The following TERF2 variants were observed in gnomAD, a reference collection of about 807,000 sequenced individuals.
The protein encoded by TERF2 is telomeric repeat-binding factor 2.
A neutral mutation model predicts 56.1 loss-of-function variants in TERF2; 16 were observed. The observed-to-expected ratio is 0.29, with a 90% CI of 0.19 to 0.43. The LOEUF (loss-of-function observed/expected upper bound fraction) is 0.43. Among genes scored for constraint, TERF2 ranks in the 20% least tolerant of loss-of-function variants. TERF2 has a pLI of 1.00. For synonymous variants in TERF2, 296 were observed against 282.1 expected, an observed-to-expected ratio of 1.05 and a Z score of -0.50; for missense variants, 547 against 712.9, an observed-to-expected ratio of 0.77 and a Z score of 2.65.
At chr16:69,381,677 C>T (rs1458157721) in intron 3 of TERF2, among the ~76,000 whole-genome samples, 1 of 151,916 alleles carries the variant, frequency 6.6e-6, no homozygotes, top group East Asian at 1.9e-4. Context: ...GACAGGGTTT[C>T]ACTATGTTAC....
At position 69,367,058 on chromosome 16, in the gene TERF2, T is replaced by C. The variant is rs1290336699; in HGVS notation, c.1089A>G (p.Pro363=). The change falls in exon 7 of 10, where the codon CCA becomes CCG. Residue 363 remains proline (P), a synonymous_variant. Coordinates refer to ENST00000254942, the MANE Select transcript of TERF2 (RefSeq NM_005652.5). ...KDLVLPTQAL[P]ASPALKNKRP... Reference sequence around the variant, plus strand: ...TCTTGTTTTTGAGGGCTGGTGATGCTGGGAGAGCTTGAGTAGGAAGAACCA... The same window carrying C: ...TCTTGTTTTTGAGGGCTGGTGATGCCGGGAGAGCTTGAGTAGGAAGAACCA... The C allele has an allele frequency of 6.2e-7, 1 of 1,614,230 alleles. No individual in the cohort carries two copies.
intron 3 of TERF2, among the ~76,000 whole-genome samples, chr16:69,374,904 GC>G (rs2013718574): frequency 6.6e-6 from 1 of 151,976 alleles, no homozygotes; most frequent in Admixed American, 6.6e-5. Context: ...GGCAGAGGTT[GC>G]AGTGAGCCGA....
intron 3 of TERF2, among the ~76,000 whole-genome samples, chr16:69,376,773 G>A (rs1281793981): frequency 2.0e-5 from 3 of 146,930 alleles, no homozygotes; most frequent in Non-Finnish European, 3.0e-5. Context: ...AGTGGGAAGA[G>A]CACCTGAGCC....
At chr16:69,366,533 G>A (rs2013350765) in intron 7 of TERF2, 2 of 428,608 alleles carry the variant, frequency 4.7e-6, no homozygotes, top group Admixed American at 3.8e-5. Context: ...TCAGATGTTT[G>A]CTAAAAATGA....
chr16:69,372,337 T>G lies in TERF2; in HGVS notation c.625A>C (p.Lys209Gln). The change falls in exon 4 of 10, where the codon AAA (lysine) becomes CAA (glutamine). Residue 209 changes from lysine to glutamine, a missense_variant. By Grantham distance (53) the Lys-to-Gln change is moderately conservative. This residue lies in a region of TERF2 where 97 missense variants were observed against 157.0 expected (regional missense o/e 0.62). Transcript: ENST00000254942. ...GAAGCCTTTTCAAATTCTTTGTTTT[T>G]GATACAAATAATGACAGCCTAAAAA... ...VKEAAVIICI[K>Q]NKEFEKASKI... is the part of the protein sequence containing the mutation. 1 of 1,610,780 alleles carries G rather than the reference T, an allele frequency of 6.2e-7. No homozygotes were observed. The highest frequency in any genetic ancestry group is 8.5e-7 in the Non-Finnish European group (1 of 1,178,410).
At chr16:69,383,713 C>G (rs1470367278) in intron 3 of TERF2, among the ~76,000 whole-genome samples, 1 of 152,178 alleles carries the variant, frequency 6.6e-6, no homozygotes, top group African/African-American at 2.4e-5. Flanking sequence ...TGTACACAGC[C>G]AAGAGACAGG....
chr16:69,357,629 C>G (rs1294302854), intron 8 of TERF2, 68 bp from the exon 9 acceptor site: 3 of 1,572,136 alleles, frequency 1.9e-6, no homozygotes, highest in Non-Finnish European at 2.6e-6. Context: ...AAGAAAAAGA[C>G]ATGGAATGTC....
intron 5 of TERF2, 111 bp from the exon 6 acceptor site, chr16:69,368,593 A>C: frequency 2.6e-6 from 4 of 1,552,078 alleles, no homozygotes; most frequent in Non-Finnish European, 3.5e-6. Context: ...TTACAAATCC[A>C]ATCTAGGCAT....
chr16:69,385,934 C>T lies in TERF2; in HGVS notation c.38G>A (p.Gly13Asp). ...CGCTGGGTCACGCACGACGCCCGGG[C>T]CGGAAGCGGGGCCCGCCGTCCCGGC... is the stretch of plus-strand genomic sequence containing the variant. ...AGAGTAGPAS[G>D]PGVVRDPAAS... Residue 13 changes from glycine (G) to aspartate (D), a missense_variant, in exon 1 of 10, where the codon GGC (glycine) becomes GAC (aspartate). Gly to Asp is a moderately conservative substitution (Grantham distance 94). Around this residue, in one of 6 missense-constraint regions of TERF2, gnomAD observed 85 missense variants for 59.5 expected, o/e 1.43. Transcript: ENST00000254942. 3.7e-6 allele frequency: 5 copies of T among 1,369,324 alleles called. No individual in the cohort carries two copies. Among genetic ancestry groups the T allele is most frequent in the South Asian group, 1.6e-5 (1 of 62,624 alleles). The allele number at this position is 1,369,324 out of a possible 1,614,324, so 84.8% of individuals were successfully genotyped here.
In TERF2 at chr16:69,384,704, G is replaced by C. The variant is rs573059226; in HGVS notation, c.482C>G (p.Ser161Cys). The change falls in exon 3 of 10, where the codon TCC (serine) becomes TGC (cysteine). Residue 161 changes from serine (S) to cysteine (C), a missense_variant. By Grantham distance (112) the Ser-to-Cys change is moderately radical. Coordinates refer to ENST00000254942, the MANE Select transcript of TERF2 (RefSeq NM_005652.5). ...TGTGAGCTCAGCCTCCATATCAAAG[G>C]AACAGTCTAGGACAAAGCACAGTTT... Reference protein sequence around the residue: ...RIEEGENLDCSFDMEAELTPL... With the variant: ...RIEEGENLDCCFDMEAELTPL... 114 of 1,613,738 alleles carry C rather than the reference G, an allele frequency of 7.1e-5. No homozygotes were observed. The highest frequency in any genetic ancestry group is 2.5e-4 in the Admixed American group (15 of 59,944).
chr16:69,384,842 A>T, intron 2 of TERF2, 132 bp from the exon 3 acceptor site: 1 of 890,282 alleles, frequency 1.1e-6, no homozygotes, highest in Non-Finnish European at 1.5e-6. Flanking sequence ...ATTTTTTGAC[A>T]TATTTGCTAC....
intron 7 of TERF2, 33 bp downstream of exon 7, chr16:69,366,774 G>GC (rs1567446729): frequency 6.4e-7 from 1 of 1,572,638 alleles, no homozygotes; most frequent in East Asian, 2.3e-5. Flanking sequence ...CCACCAACCA[G>GC]CCCCAAAATT....
intron 1 of TERF2, 44 bp from the exon 2 acceptor site, chr16:69,385,530 C>G: frequency 6.2e-7 from 1 of 1,612,216 alleles, no homozygotes; most frequent in South Asian, 1.1e-5. Flanking sequence ...CCAGTCCCGA[C>G]TCCCGGTCCC....
chr16:69,370,750 A>G, intron 4 of TERF2, 121 bp from the exon 5 acceptor site: 6 of 983,106 alleles, frequency 6.1e-6, no homozygotes, highest in Non-Finnish European at 7.4e-6. Context: ...AATCACTGGC[A>G]CACATACAGG....
intron 5 of TERF2, 86 bp downstream of exon 5, chr16:69,370,397 C>T (rs1198454575): frequency 1.0e-5 from 16 of 1,525,846 alleles, no homozygotes; most frequent in Non-Finnish European, 1.2e-5. Flanking sequence ...CTTTTTCACA[C>T]ATCAACTCTT....
At chr16:69,380,173 A>C (rs958879911) in intron 3 of TERF2, among the ~76,000 whole-genome samples, 14 of 151,938 alleles carry the variant, frequency 9.2e-5, no homozygotes, top group Non-Finnish European at 1.5e-4. Flanking sequence ...TTAGCCTCCC[A>C]AAGTGCTGAG....
intron 3 of TERF2, among the ~76,000 whole-genome samples, chr16:69,377,078 C>A (rs2013820069): frequency 6.6e-6 from 1 of 151,452 alleles, no homozygotes; most frequent in Admixed American, 6.6e-5. Flanking sequence ...TGGCACATGC[C>A]TGTAATTTCA....
intron 7 of TERF2, among the ~76,000 whole-genome samples, 195 bp from the exon 8 acceptor site, chr16:69,361,684 C>T (rs1475727319): frequency 6.6e-6 from 1 of 152,120 alleles, no homozygotes; most frequent in African/African-American, 2.4e-5. Flanking sequence ...TAACACCCCT[C>T]AGGCTGCAGG....
intron 8 of TERF2, among the ~76,000 whole-genome samples, chr16:69,358,381 A>G (rs1011420906): frequency 3.3e-5 from 5 of 152,126 alleles, no homozygotes; most frequent in Non-Finnish European, 5.9e-5. Context: ...CTCCTGACCT[A>G]GTGATCCACC....
Sources: gnomAD v4.1 joint callset for allele counts (sites outside exome capture counted in the v4.1 genomes callset) on GRCh38, gnomAD v4.1.1 for gene constraint, gnomAD v4.1.1 regional missense constraint, MANE v1.5 for transcripts, NCBI Gene and HGNC (gene_info 2026-07-23, HGNC 2026-07-21) for gene names.